AGO4: variants seen among roughly 807,000 people sequenced by gnomAD.
AGO4 encodes protein argonaute-4.
Under a neutral mutation model 104.7 loss-of-function variants are expected in AGO4, and 33 were observed. That is an observed-to-expected ratio of 0.32 (90% CI 0.24 to 0.42). The LOEUF (loss-of-function observed/expected upper bound fraction) is 0.42. Ranked by LOEUF, AGO4 falls within the 10% of genes least tolerant of loss-of-function variation. The probability of loss-of-function intolerance (pLI) is 1.00; values close to 1 mark genes in which losing one functional copy is unlikely to be tolerated. For missense variants in AGO4, 711 were observed against 1,083.4 expected (o/e 0.66, Z 4.83); for synonymous variants, 331 against 364.7 (o/e 0.91, Z 1.05).
chr1:35,849,367 A>G (rs1487403230), intron 15 of AGO4, among the ~76,000 whole-genome samples: 1 of 151,534 alleles, frequency 6.6e-6, no homozygotes, highest in Non-Finnish European at 1.5e-5. Flanking sequence ...TTTGCCAGTG[A>G]CTTTTTTTTT....
intron 1 of AGO4, among the ~76,000 whole-genome samples, chr1:35,816,433 T>G (rs1643695911): frequency 6.6e-6 from 1 of 152,172 alleles, no homozygotes. Context: ...TTCTTTATAT[T>G]AGAGTACATA....
At chr1:35,830,669 C>G (rs1240896010) in intron 7 of AGO4, among the ~76,000 whole-genome samples, 9 of 152,068 alleles carry the variant, frequency 5.9e-5, no homozygotes. Flanking sequence ...TGAAAATGCT[C>G]AAATAAAGAT....
At chr1:35,851,930 T>C (rs939955754) in intron 17 of AGO4, among the ~76,000 whole-genome samples, 1 of 152,174 alleles carries the variant, frequency 6.6e-6, no homozygotes, top group Non-Finnish European at 1.5e-5. Context: ...CAGGCAAATA[T>C]ACAACTGACA....
chr1:35,810,461 C>A (rs1034876488), intron 1 of AGO4, among the ~76,000 whole-genome samples: 1 of 152,186 alleles, frequency 6.6e-6, no homozygotes, highest in South Asian at 2.1e-4. Context: ...CGCCTCCCTG[C>A]AACCTAGTTC....
intron 2 of AGO4, among the ~76,000 whole-genome samples, chr1:35,818,671 A>AAGGC (rs1643805301): frequency 1.4e-5 from 2 of 145,026 alleles, no homozygotes; most frequent in Non-Finnish European, 3.0e-5. Flanking sequence ...GGAAGAAAGG[A>AAGGC]AGGAAGGAAG....
chr1:35,831,634 T>C, intron 8 of AGO4, 60 bp downstream of exon 8: 1 of 1,574,472 alleles, frequency 6.4e-7, no homozygotes, highest in Non-Finnish European at 8.6e-7. Flanking sequence ...TATTTTTAAG[T>C]AGAGTTCTAA....
At chr1:35,850,829 A>C (rs750127761) in intron 16 of AGO4, 25 bp from the exon 17 acceptor site, 2 of 1,467,070 alleles carry the variant, frequency 1.4e-6, no homozygotes, top group East Asian at 4.7e-5. Flanking sequence ...AAAAAAAAAC[A>C]TTAATCATAA....
chr1:35,852,571 C>T (rs914999676), intron 17 of AGO4, among the ~76,000 whole-genome samples: 1 of 152,178 alleles, frequency 6.6e-6, no homozygotes, highest in African/African-American at 2.4e-5. Flanking sequence ...TACGTAGATG[C>T]ATTCATTCAA....
chr1:35,831,559 A>G lies in AGO4; in HGVS notation c.981A>G (p.Thr327=), dbSNP rs1328921413. ...CLQVGQEQKH[T]YLPLEVCNIV... is the part of the protein sequence containing the mutation. ...AAGTGGGACAAGAACAAAAGCATACATACTTGCCACTCGAGGTAAGTTAAA... is the reference window on the plus strand; with the variant it reads ...AAGTGGGACAAGAACAAAAGCATACGTACTTGCCACTCGAGGTAAGTTAAA... The change falls in exon 8 of 18, where the codon ACA becomes ACG. Residue 327 remains threonine (T), a synonymous_variant. Transcript: ENST00000373210. 3 of 1,610,612 alleles carry G rather than the reference A, an allele frequency of 1.9e-6. No homozygotes were observed. Among genetic ancestry groups the G allele is most frequent in the African/African-American group, 1.3e-5 (1 of 74,840 alleles).
chr1:35,814,405 A>G (rs992810039), intron 1 of AGO4, among the ~76,000 whole-genome samples: 20 of 152,016 alleles, frequency 1.3e-4, no homozygotes, highest in African/African-American at 3.9e-4. Flanking sequence ...TGCTGCACCC[A>G]TTAACTCATC....
chr1:35,852,887 T>C (rs1310927042), intron 17 of AGO4, among the ~76,000 whole-genome samples: 1 of 152,190 alleles, frequency 6.6e-6, no homozygotes, highest in Non-Finnish European at 1.5e-5. Flanking sequence ...TGGAAATCTT[T>C]ATATGGATAC....
chr1:35,842,826 A>G (rs1178077801), intron 15 of AGO4, among the ~76,000 whole-genome samples: 1 of 152,150 alleles, frequency 6.6e-6, no homozygotes, highest in Non-Finnish European at 1.5e-5. Flanking sequence ...ATTAAAATCC[A>G]AAACACCTCT....
At chr1:35,845,800 C>T (rs929584156) in intron 15 of AGO4, among the ~76,000 whole-genome samples, 3 of 152,176 alleles carry the variant, frequency 2.0e-5, no homozygotes, top group African/African-American at 4.8e-5. Context: ...AAACCCAAAT[C>T]GTAGTGGCTT....
rs1553146666 is a variant in AGO4 at position 35,829,031 on chromosome 1, C to CCA, written c.848+2206_848+2207dup. On this transcript the variant is annotated intron_variant, in intron 7 of 17. Coordinates refer to ENST00000373210, the MANE Select transcript of AGO4 (RefSeq NM_017629.4). Reference sequence around the variant, plus strand: ...TTTTGGTTACTCAGAGCCCCCCCCCCCACACACACACCTTTTTTTGCTTAT... The same window carrying CCA: ...TTTTGGTTACTCAGAGCCCCCCCCCCCACACACACACACCTTTTTTTGCTTAT... 1.6e-4 allele frequency among the ~76,000 whole-genome samples: 24 copies of CCA among 150,952 alleles called. No individual in the cohort carries two copies. In the South Asian group the frequency reaches 3.2e-3, roughly 20 times the overall value.
chr1:35,842,654 T>C (rs1644472263), intron 15 of AGO4, among the ~76,000 whole-genome samples: 1 of 151,898 alleles, frequency 6.6e-6, no homozygotes. Flanking sequence ...ATACAAAAAT[T>C]AGCTGGGCGT....
intron 1 of AGO4, among the ~76,000 whole-genome samples, chr1:35,811,470 CAAA>C: frequency 7.4e-6 from 1 of 135,900 alleles, no homozygotes; most frequent in African/African-American, 2.6e-5. Flanking sequence ...CAAAAAAAAA[CAAA>C]AAAAAAAACA....
At chr1:35,831,404 A>G in intron 7 of AGO4, 23 bp from the exon 8 acceptor site, 1 of 1,566,788 alleles carries the variant, frequency 6.4e-7, no homozygotes, top group East Asian at 2.3e-5. Flanking sequence ...GAAATATTCT[A>G]AAAAAGACAT....
intron 3 of AGO4, 22 bp downstream of exon 3, chr1:35,823,004 T>G: frequency 6.2e-7 from 1 of 1,608,726 alleles, no homozygotes; most frequent in Non-Finnish European, 8.5e-7. Flanking sequence ...GAGCAAGAAA[T>G]ACTTAGTTCA....
intron 2 of AGO4, 87 bp from the exon 3 acceptor site, chr1:35,822,775 G>T: frequency 6.5e-7 from 1 of 1,532,562 alleles, no homozygotes; most frequent in Non-Finnish European, 8.9e-7. Flanking sequence ...ATACTGAACC[G>T]AATTTAAATG....
Sources: allele counts gnomAD v4.1 joint callset (sites outside exome capture counted in the v4.1 genomes callset), GRCh38; gene constraint gnomAD v4.1.1; transcripts MANE v1.5; gene names NCBI Gene and HGNC (gene_info 2026-07-23, HGNC 2026-07-21).